The following PVT1 variants were observed in gnomAD, a reference collection of about 807,000 sequenced individuals.
PVT1 encodes Pvt1 oncogene, also known as CXCR4/PVT1 fusion.
intron 4 of PVT1, among the ~76,000 whole-genome samples, chr8:128,008,503 A>G (rs1390387706): frequency 6.6e-6 from 1 of 152,200 alleles, no homozygotes; most frequent in Non-Finnish European, 1.5e-5. Flanking sequence ...TCCCCTTCTC[A>G]TGCCTGTTCC....
chr8:127,905,677 A>G (rs1023012342), intron 3 of PVT1, among the ~76,000 whole-genome samples: 1 of 152,070 alleles, frequency 6.6e-6, no homozygotes, highest in African/African-American at 2.4e-5. Context: ...GTCATTTTAC[A>G]TGACTTTCAC....
At chr8:127,801,171 G>A (rs1183874814) in intron 2 of PVT1, among the ~76,000 whole-genome samples, 1 of 152,214 alleles carries the variant, frequency 6.6e-6, no homozygotes, top group African/African-American at 2.4e-5. Context: ...CTCACAGAGA[G>A]CCTGCAGGGC....
rs981694206 is a variant in PVT1, at chr8:127,898,605, T to C, written n.782+7607T>C. 2.0e-5 allele frequency among the ~76,000 whole-genome samples: 3 copies of C among 152,182 alleles called. No homozygotes were observed. Among genetic ancestry groups the C allele is most frequent in the African/African-American group, 7.2e-5 (3 of 41,448 alleles). ...CTAGACTGGAGCCAACCATGGCCCA[T>C]TGCTGAGACTCTGGGCCTCAGGGTG... On this transcript the variant is annotated intron_variant and non_coding_transcript_variant, in intron 3 of 10. Coordinates refer to ENST00000651587, the Ensembl canonical transcript of PVT1. This position sits in a 1 kb window ranked among gnomAD's most constrained non-coding sequence, Gnocchi z 4.4.
At chr8:127,814,959 C>T (rs563335781) in intron 2 of PVT1, among the ~76,000 whole-genome samples, 3 of 151,994 alleles carry the variant, frequency 2.0e-5, no homozygotes, top group Non-Finnish European at 4.4e-5. Context: ...TTGGTGTAAA[C>T]TTTTTTTTAT....
intron 4 of PVT1, among the ~76,000 whole-genome samples, chr8:128,067,944 A>C (rs1249029201): frequency 8.4e-6 from 1 of 119,552 alleles, no homozygotes; most frequent in East Asian, 2.9e-4. Flanking sequence ...TTGGACTAAC[A>C]TACTTTGTGT....
At position 127,987,143 on chromosome 8, in the gene PVT1, C is replaced by T. The variant is rs546954706; in HGVS notation, n.783-2019C>T. Reference sequence around the variant, plus strand: ...TTCAGTGAGGTGCCAGGAGGACAGTCCTTAGTGAAATGTCCTCTACAGAAT... The same window carrying T: ...TTCAGTGAGGTGCCAGGAGGACAGTTCTTAGTGAAATGTCCTCTACAGAAT... On this transcript the variant is annotated intron_variant and non_coding_transcript_variant, in intron 3 of 10. Transcript: ENST00000651587. Among the ~76,000 whole-genome samples the T allele has an allele frequency of 3.9e-5, 6 of 152,296 alleles. No homozygotes were observed. The South Asian group carries it at 8.3e-4, about 21-fold the overall frequency.
chr8:128,086,195 T>C (rs1814252955), intron 5 of PVT1, among the ~76,000 whole-genome samples: 3 of 152,194 alleles, frequency 2.0e-5, no homozygotes, highest in Admixed American at 6.5e-5. Context: ...GAGAATTTCC[T>C]TTTTTTAGGA....
intron 2 of PVT1, among the ~76,000 whole-genome samples, chr8:127,861,347 A>G (rs936583913): frequency 6.6e-6 from 1 of 152,006 alleles, no homozygotes; most frequent in Non-Finnish European, 1.5e-5. Context: ...CGTGGCTCAC[A>G]CCTGTAATCC....
At chr8:128,025,791 G>T (rs1228509859) in intron 4 of PVT1, among the ~76,000 whole-genome samples, 1 of 152,080 alleles carries the variant, frequency 6.6e-6, no homozygotes, top group African/African-American at 2.4e-5. Context: ...CTCACTTAAG[G>T]TCTCCCAAAC....
At chr8:127,841,351 G>A (rs1017612065) in intron 2 of PVT1, among the ~76,000 whole-genome samples, 4 of 152,056 alleles carry the variant, frequency 2.6e-5, no homozygotes, top group African/African-American at 4.8e-5. Context: ...TTGGCTCACT[G>A]CAACCTTCAC....
chr8:128,093,489 G>A (rs1401965618), intron 5 of PVT1, among the ~76,000 whole-genome samples: 3 of 152,000 alleles, frequency 2.0e-5, no homozygotes, highest in African/African-American at 7.2e-5. Flanking sequence ...CATGGGAGGC[G>A]GAGGTTGCAG....
rs1468866865 is a variant in PVT1 at position 127,898,755 on chromosome 8, C to G, written n.782+7757C>G. Among the ~76,000 whole-genome samples the G allele has an allele frequency of 6.6e-6, 1 of 152,216 alleles. No homozygotes were observed. Among genetic ancestry groups the G allele is most frequent in the East Asian group, 1.9e-4 (1 of 5,202 alleles). The stretch of plus-strand genomic sequence containing the variant: ...GCGTGGGGGCTTCTTCCCTCTCTCT[C>G]TGTCTTGTAGCCTTGTTAAAATAGT... On this transcript the variant is annotated intron_variant and non_coding_transcript_variant, in intron 3 of 10. Coordinates refer to ENST00000651587, the Ensembl canonical transcript of PVT1. This position sits in a 1 kb window ranked among gnomAD's most constrained non-coding sequence, Gnocchi z 4.4.
intron 3 of PVT1, among the ~76,000 whole-genome samples, chr8:127,953,434 C>T (rs994347997): frequency 2.0e-5 from 3 of 152,098 alleles, no homozygotes; most frequent in Non-Finnish European, 2.9e-5. Context: ...TTTGGAATAC[C>T]TTTATCAGGG....
At chr8:127,856,530 G>A (rs1040885099) in intron 2 of PVT1, among the ~76,000 whole-genome samples, 3 of 151,784 alleles carry the variant, frequency 2.0e-5, no homozygotes, top group African/African-American at 7.3e-5. Flanking sequence ...TGATAGAGAC[G>A]GGGTTTCTCC....
intron 4 of PVT1, among the ~76,000 whole-genome samples, chr8:127,990,781 A>G (rs1247944275): frequency 6.6e-6 from 1 of 152,240 alleles, no homozygotes; most frequent in Non-Finnish European, 1.5e-5. Context: ...GGTGAAGAGC[A>G]TGAGGCCTTG....
intron 3 of PVT1, among the ~76,000 whole-genome samples, chr8:127,949,379 C>CTGTGTGTGTGTGTGTGTGTGTGTG (rs61425056): frequency 3.5e-4 from 39 of 111,320 alleles, no homozygotes; most frequent in East Asian, 1.2e-3. Flanking sequence ...ACTCCAGGAG[C>CTGTGTGTGTGTGTGTGTGTGTGTG]TGTGTGTGTG....
chr8:128,060,793 ACAT>A (rs1813820809), intron 4 of PVT1, among the ~76,000 whole-genome samples: 2 of 152,208 alleles, frequency 1.3e-5, no homozygotes, highest in Non-Finnish European at 2.9e-5. Context: ...GATATAATTT[ACAT>A]ACCGTACAAT....
Position 127,858,805 on chromosome 8 carries a change from CTTTTTTTTTTT to C in PVT1, n.373-31766_373-31756del, listed in dbSNP as rs35886687. The stretch of plus-strand genomic sequence containing the variant: ...CTCTTGTGGACTACACTTGAAGATT[CTTTTTTTTTTT>C]TTTTTTTTTTTTTTTTTGAGACAGG... On this transcript the variant is annotated intron_variant and non_coding_transcript_variant, in intron 2 of 10. Coordinates refer to ENST00000651587, the Ensembl canonical transcript of PVT1. Among the ~76,000 whole-genome samples the C allele has an allele frequency of 4.4e-4, 21 of 47,326 alleles. No homozygotes were observed. The South Asian group carries it at 7.4e-3, about 17-fold the overall frequency. The allele number at this position is 47,326 out of a possible 152,430, so 31.0% of individuals were successfully genotyped here.
At chr8:127,794,895 C>A (rs1814376247) in intron 1 of PVT1, among the ~76,000 whole-genome samples, 2 of 149,810 alleles carry the variant, frequency 1.3e-5, no homozygotes, top group Non-Finnish European at 3.0e-5. Flanking sequence ...AGACTGGTGG[C>A]GAGTTTGGGC....
Sources: gnomAD v4.1 joint callset for allele counts (sites outside exome capture counted in the v4.1 genomes callset) on GRCh38, gnomAD v4.1.1 for gene constraint, Gnocchi (gnomAD v3.1) non-coding constraint, MANE v1.5 for transcripts, NCBI Gene and HGNC (gene_info 2026-07-23, HGNC 2026-07-21) for gene names.